Variants in SNX29 observed in about 807,000 individuals in gnomAD.
SNX29 encodes sorting nexin 29, also known as sorting nexin-29.
In SNX29, 78 loss-of-function variants were observed where a neutral mutation model predicts 102.1. The ratio of observed to expected loss-of-function variants is 0.76; its 90% CI spans 0.64 to 0.92. The LOEUF (loss-of-function observed/expected upper bound fraction) is 0.92. Ranked by LOEUF, SNX29 falls within the 40% of genes least tolerant of loss-of-function variation. The pLI is 0.00. For synonymous variants in SNX29, 580 were observed against 414.5 expected (o/e 1.40, Z -4.85); for missense variants, 1,280 against 1,061.7 (o/e 1.21, Z -2.86).
chr16:12,428,924 ATACGAT>A (rs2085198149), intron 18 of SNX29, among the ~76,000 whole-genome samples: 1 of 152,178 alleles, frequency 6.6e-6, no homozygotes, highest in Non-Finnish European at 1.5e-5. Context: ...CAACACACAG[ATACGAT>A]TGCAACTAAT....
At chr16:12,077,417 GTGTGTGTGTGTA>G (rs948860230) in intron 10 of SNX29, among the ~76,000 whole-genome samples, 5 of 151,948 alleles carry the variant, frequency 3.3e-5, no homozygotes, top group Admixed American at 6.6e-5. Context: ...GTGTGTGTGT[GTGTGTGTGTGTA>G]TCTCTGTTAA....
At chr16:12,414,888 A>AT (rs2084562937) in intron 18 of SNX29, among the ~76,000 whole-genome samples, 1 of 152,026 alleles carries the variant, frequency 6.6e-6, no homozygotes, top group Admixed American at 6.6e-5. Flanking sequence ...TGCCCGGCTA[A>AT]TTTTTTGTGT....
intron 20 of SNX29, among the ~76,000 whole-genome samples, chr16:12,539,863 T>A (rs769661303): frequency 2.6e-5 from 4 of 152,242 alleles, no homozygotes; most frequent in Non-Finnish European, 2.9e-5. Context: ...CCAAGTATTT[T>A]GCCTGTTCTT....
At chr16:12,283,880 A>G (rs1453394760) in intron 15 of SNX29, among the ~76,000 whole-genome samples, 1 of 152,196 alleles carries the variant, frequency 6.6e-6, no homozygotes, top group Non-Finnish European at 1.5e-5. Flanking sequence ...CAGCTTCTTT[A>G]GATAATTCCT....
At chr16:12,289,880 G>A (rs1434345653) in intron 15 of SNX29, among the ~76,000 whole-genome samples, 2 of 152,080 alleles carry the variant, frequency 1.3e-5, no homozygotes, top group Admixed American at 1.3e-4. Flanking sequence ...TCCTGTCAAG[G>A]TTGGGCTCAG....
intron 14 of SNX29, among the ~76,000 whole-genome samples, chr16:12,236,810 A>G (rs1056480764): frequency 2.0e-5 from 3 of 152,232 alleles, no homozygotes; most frequent in African/African-American, 7.2e-5. Flanking sequence ...GCATTTGGTC[A>G]TCCGTCCTCC....
chr16:12,142,466 C>T (rs953136617), intron 13 of SNX29, among the ~76,000 whole-genome samples: 1 of 152,172 alleles, frequency 6.6e-6, no homozygotes, highest in African/African-American at 2.4e-5. Context: ...ACAAGATACA[C>T]ATGTCAGTCA....
chr16:12,540,819 G>C (rs1379423912), intron 20 of SNX29, among the ~76,000 whole-genome samples: 1 of 152,128 alleles, frequency 6.6e-6, no homozygotes, highest in Non-Finnish European at 1.5e-5. Context: ...ATGAGAGAAG[G>C]GGCAAAAAGA....
chr16:12,006,999 A>G (rs547254183), intron 3 of SNX29, among the ~76,000 whole-genome samples: 11 of 152,208 alleles, frequency 7.2e-5, no homozygotes, highest in Non-Finnish European at 1.5e-4. Flanking sequence ...TGGAACGGCT[A>G]GAGTTCCATG....
At chr16:12,464,833 C>T (rs992426955) in intron 18 of SNX29, among the ~76,000 whole-genome samples, 2 of 150,228 alleles carry the variant, frequency 1.3e-5, no homozygotes, top group Non-Finnish European at 2.9e-5. Flanking sequence ...GTTGGAGGTG[C>T]CTTCATACTA....
intron 18 of SNX29, among the ~76,000 whole-genome samples, chr16:12,445,408 C>T (rs1051206166): frequency 6.6e-6 from 1 of 152,066 alleles, no homozygotes; most frequent in African/African-American, 2.4e-5. Flanking sequence ...TCATTCTGTA[C>T]ACTGAGCAAC....
At chr16:12,422,891 G>A (rs1314624367) in intron 18 of SNX29, among the ~76,000 whole-genome samples, 1 of 152,240 alleles carries the variant, frequency 6.6e-6, no homozygotes, top group African/African-American at 2.4e-5. Context: ...GGTGTACGGA[G>A]ATAGGCTTTA....
chr16:12,419,573 C>CCA (rs879933721), intron 18 of SNX29, among the ~76,000 whole-genome samples: 2,786 of 149,216 alleles, frequency 0.019, 26 homozygotes, highest in South Asian at 0.038. Flanking sequence ...CCCCCCCCCC[C>CCA]ATCTTTCTGT....
intron 20 of SNX29, among the ~76,000 whole-genome samples, chr16:12,544,939 C>G (rs950223408): frequency 2.0e-5 from 3 of 152,212 alleles, no homozygotes; most frequent in Non-Finnish European, 4.4e-5. Flanking sequence ...CCCTTGTTCA[C>G]TGTATTTCCA....
chr16:12,186,559 T>C (rs1005249224), intron 13 of SNX29, among the ~76,000 whole-genome samples: 5 of 152,220 alleles, frequency 3.3e-5, no homozygotes, highest in African/African-American at 1.2e-4. Context: ...ATATTTAGGC[T>C]ATATTCATAT....
intron 6 of SNX29, among the ~76,000 whole-genome samples, chr16:12,047,264 C>T (rs1163186887): frequency 6.6e-6 from 1 of 152,098 alleles, no homozygotes; most frequent in Non-Finnish European, 1.5e-5. Context: ...CGTTGTTCGC[C>T]CTTTGACTCA....
At chr16:12,418,524 T>TTTC (rs2084738062) in intron 18 of SNX29, among the ~76,000 whole-genome samples, 1 of 150,944 alleles carries the variant, frequency 6.6e-6, no homozygotes. Context: ...TTTCTTTTCT[T>TTTC]TTTTTTTTGA....
At chr16:12,156,915 G>A (rs573989436) in intron 13 of SNX29, among the ~76,000 whole-genome samples, 8 of 152,168 alleles carry the variant, frequency 5.3e-5, no homozygotes, top group African/African-American at 1.9e-4. Flanking sequence ...CTTCTGTGGG[G>A]TGGGCCTGCC....
At chr16:12,154,015 T>C (rs191634564) in intron 13 of SNX29, among the ~76,000 whole-genome samples, 75 of 152,336 alleles carry the variant, frequency 4.9e-4, no homozygotes, top group African/African-American at 1.7e-3. Flanking sequence ...TGGGGAATGT[T>C]CTATTAAAGC....
Sources: allele counts gnomAD v4.1 joint callset (sites outside exome capture counted in the v4.1 genomes callset), GRCh38; gene constraint gnomAD v4.1.1; transcripts MANE v1.5; gene names NCBI Gene and HGNC (gene_info 2026-07-23, HGNC 2026-07-21).